AGBL1: variants seen among roughly 807,000 people sequenced by gnomAD.
The protein encoded by AGBL1 is cytosolic carboxypeptidase 4.
Under a neutral mutation model 118.9 loss-of-function variants are expected in AGBL1, and 130 were observed. The observed-to-expected ratio is 1.09, with a 90% CI of 0.95 to 1.26. The LOEUF (loss-of-function observed/expected upper bound fraction) is 1.26, where lower values mean the gene tolerates loss of function less well. AGBL1 is among the 50% of genes most tolerant of loss of function. AGBL1 has a pLI of 0.00. For missense variants in AGBL1, 1,584 were observed against 1,298.1 expected (o/e 1.22, Z -3.38); for synonymous variants, 555 against 478.9 (o/e 1.16, Z -2.08).
intron 21 of AGBL1, among the ~76,000 whole-genome samples, chr15:86,644,990 CA>C (rs1218082922): frequency 6.6e-6 from 1 of 151,900 alleles, no homozygotes; most frequent in Non-Finnish European, 1.5e-5. Flanking sequence ...CACTGGACTC[CA>C]GCCTGGGTGA....
chr15:86,654,820 G>A (rs758118495), intron 21 of AGBL1, among the ~76,000 whole-genome samples: 6 of 152,078 alleles, frequency 3.9e-5, no homozygotes, highest in Non-Finnish European at 7.4e-5. Context: ...ATTACATACA[G>A]CCTTTCCTGA....
intron 21 of AGBL1, among the ~76,000 whole-genome samples, chr15:86,577,917 G>T (rs1310290713): frequency 6.6e-6 from 1 of 152,220 alleles, no homozygotes; most frequent in Non-Finnish European, 1.5e-5. Context: ...TGCTGCAGGG[G>T]CAGGGCTCTC....
intron 18 of AGBL1, among the ~76,000 whole-genome samples, chr15:86,513,337 T>C (rs1403475306): frequency 2.0e-5 from 3 of 152,158 alleles, no homozygotes; most frequent in Admixed American, 6.5e-5. Flanking sequence ...TTCCTCATTA[T>C]TAAATAGTGG....
chr15:86,275,351 T>C (rs1315715398), intron 15 of AGBL1, among the ~76,000 whole-genome samples: 1 of 152,228 alleles, frequency 6.6e-6, no homozygotes, highest in African/African-American at 2.4e-5. Flanking sequence ...GAGAGAGATC[T>C]GGTATTATAT....
At chr15:86,609,212 C>A (rs116079641) in intron 21 of AGBL1, among the ~76,000 whole-genome samples, 1 of 152,088 alleles carries the variant, frequency 6.6e-6, no homozygotes, top group African/African-American at 2.4e-5. Context: ...ACCAGCCTTC[C>A]TCTTGAGGAG....
At chr15:86,882,761 ACTG>A (rs1413222977) in intron 22 of AGBL1, among the ~76,000 whole-genome samples, 1 of 152,182 alleles carries the variant, frequency 6.6e-6, no homozygotes, top group Non-Finnish European at 1.5e-5. Flanking sequence ...ACGACAACTC[ACTG>A]GAGGCATTTT....
intron 22 of AGBL1, among the ~76,000 whole-genome samples, chr15:86,731,435 T>A (rs1185936049): frequency 1.3e-5 from 2 of 152,210 alleles, no homozygotes; most frequent in South Asian, 2.1e-4. Flanking sequence ...TGTGCTGCGA[T>A]CTTTCTGCTT....
chr15:86,496,426 A>C (rs2082856228), intron 18 of AGBL1, among the ~76,000 whole-genome samples: 1 of 152,026 alleles, frequency 6.6e-6, no homozygotes, highest in Admixed American at 6.6e-5. Flanking sequence ...TTTTTCTGAT[A>C]ATCTGTTTTA....
At chr15:86,754,268 T>C (rs1482574902) in intron 22 of AGBL1, among the ~76,000 whole-genome samples, 2 of 152,136 alleles carry the variant, frequency 1.3e-5, no homozygotes, top group Non-Finnish European at 2.9e-5. Flanking sequence ...CTTGTGTTTG[T>C]CTTTTCATGC....
At chr15:86,413,308 G>C (rs1199935253) in intron 18 of AGBL1, among the ~76,000 whole-genome samples, 1 of 152,134 alleles carries the variant, frequency 6.6e-6, no homozygotes, top group Admixed American at 6.6e-5. Flanking sequence ...TAACATATTT[G>C]CAATCTAGCC....
At chr15:86,678,239 T>C (rs1596361633) in intron 22 of AGBL1, among the ~76,000 whole-genome samples, 1 of 152,240 alleles carries the variant, frequency 6.6e-6, no homozygotes, top group South Asian at 2.1e-4. Flanking sequence ...CTAGGTTATA[T>C]TTTTTACCTA....
rs186646491 is a variant in AGBL1 at position 86,902,830 on chromosome 15, A to G, written c.3159-4257A>G. On this transcript the variant is annotated intron_variant, in intron 22 of 22. Coordinates refer to ENST00000614907, the MANE Select transcript of AGBL1 (RefSeq NM_001386094.1). ...CCTAAAGTTTCTCCCACAGCTTTCA[A>G]GATTTTAAGTTTGTCTTTAGTTGAA... 1.6e-3 allele frequency among the ~76,000 whole-genome samples: 240 copies of G among 152,218 alleles called. 1 individual carries two copies. The highest frequency in any genetic ancestry group is 5.6e-3 in the African/African-American group (231 of 41,536).
At chr15:86,536,325 T>G (rs1284040292) in intron 19 of AGBL1, among the ~76,000 whole-genome samples, 1 of 152,158 alleles carries the variant, frequency 6.6e-6, no homozygotes, top group Non-Finnish European at 1.5e-5. Context: ...TTTGTTTGTT[T>G]TTTTGAGATG....
chr15:86,326,810 C>A (rs777713036), intron 17 of AGBL1, among the ~76,000 whole-genome samples: 2 of 152,104 alleles, frequency 1.3e-5, no homozygotes, highest in Non-Finnish European at 2.9e-5. Flanking sequence ...CTGGTAACAA[C>A]TGATGAAGTA....
At chr15:86,968,434 A>G (rs2081075623) in intron 23 of AGBL1, among the ~76,000 whole-genome samples, 1 of 151,954 alleles carries the variant, frequency 6.6e-6, no homozygotes, top group Non-Finnish European at 1.5e-5. Context: ...ACTTACAATT[A>G]ATTGCTTACA....
intron 21 of AGBL1, among the ~76,000 whole-genome samples, chr15:86,636,870 TCATTA>T (rs2085106158): frequency 6.6e-6 from 1 of 150,538 alleles, no homozygotes; most frequent in East Asian, 2.0e-4. Flanking sequence ...TTTCATCCAT[TCATTA>T]CATATTTATC....
At chr15:86,591,110 T>C (rs1158816994) in intron 21 of AGBL1, among the ~76,000 whole-genome samples, 1 of 152,216 alleles carries the variant, frequency 6.6e-6, no homozygotes, top group African/African-American at 2.4e-5. Context: ...CTCTTAACCT[T>C]GACGCTTAAA....
In AGBL1 at chr15:86,575,588, TA is replaced by T. The variant is rs202076835; in HGVS notation, c.2994+21060del. Among the ~76,000 whole-genome samples, 940 of 151,716 alleles carry T rather than the reference TA, an allele frequency of 6.2e-3. 7 individuals are homozygous for T. Among genetic ancestry groups the T allele is most frequent in the African/African-American group, 0.021 (878 of 41,378 alleles). ...ATTCAAATTTTAAAATTCATGAACTTAAAAAAAAATTATTTTTAGAGACAAG... is the reference window on the plus strand; with the variant it reads ...ATTCAAATTTTAAAATTCATGAACTTAAAAAAAATTATTTTTAGAGACAAG... On this transcript the variant is annotated intron_variant, in intron 21 of 22. Transcript: ENST00000614907.
chr15:86,297,845 G>C (rs71399821), intron 17 of AGBL1, among the ~76,000 whole-genome samples: 5,014 of 152,022 alleles, frequency 0.033, 105 homozygotes, highest in Middle Eastern at 0.071. Flanking sequence ...CACAACAAAC[G>C]TGCTGACTCC....
Sources: gnomAD v4.1 joint callset for allele counts (sites outside exome capture counted in the v4.1 genomes callset) on GRCh38, gnomAD v4.1.1 for gene constraint, MANE v1.5 for transcripts, NCBI Gene and HGNC (gene_info 2026-07-23, HGNC 2026-07-21) for gene names.